Variants in PVALEF observed in about 807,000 individuals in gnomAD.
PVALEF encodes parvalbumin-like EF-hand-containing protein.
Under a neutral mutation model 1.2 loss-of-function variants are expected in PVALEF, and 2 were observed. The observed-to-expected ratio is 1.68, with a 90% CI of 0.69 to 5.28. PVALEF has a LOEUF of 5.28. Among genes scored for constraint, PVALEF ranks in the 30% most tolerant of loss-of-function variants. The pLI, the probability that PVALEF is intolerant of heterozygous loss-of-function variation, is 0.06. For synonymous variants in PVALEF, 16 were observed against 6.5 expected (o/e 2.47, Z -2.24); for missense variants, 35 against 17.7 (o/e 1.97, Z -1.75).
intron 2 of PVALEF, among the ~76,000 whole-genome samples, chr17:81,171,172 G>A (rs963193062): frequency 3.9e-5 from 6 of 152,336 alleles, no homozygotes; most frequent in Middle Eastern, 3.4e-3. Flanking sequence ...CCAGGCCGGC[G>A]TAGCCCATAG....
chr17:81,175,947 A>G (rs1043393164), intron 2 of PVALEF, among the ~76,000 whole-genome samples: 7 of 152,354 alleles, frequency 4.6e-5, no homozygotes, highest in African/African-American at 1.7e-4. Context: ...ATAACTAAAA[A>G]AATTTGTGGG....
chr17:81,170,277 GTC>G, intron 2 of PVALEF, among the ~76,000 whole-genome samples: 1 of 151,778 alleles, frequency 6.6e-6, no homozygotes, highest in Non-Finnish European at 1.5e-5. Context: ...CCATAGGTGT[GTC>G]TGTGTGTGTT....
intron 2 of PVALEF, among the ~76,000 whole-genome samples, chr17:81,170,102 G>A (rs1428074574): frequency 6.6e-6 from 1 of 150,664 alleles, no homozygotes; most frequent in Non-Finnish European, 1.5e-5. Context: ...GTGTTGGTTT[G>A]TGTGTCTGCA....
At chr17:81,176,887 C>T (rs1172427295) in intron 2 of PVALEF, among the ~76,000 whole-genome samples, 4 of 151,012 alleles carry the variant, frequency 2.6e-5, no homozygotes, top group African/African-American at 9.7e-5. Context: ...CAAGTGAATA[C>T]TCAAAATGTG....
intron 2 of PVALEF, among the ~76,000 whole-genome samples, chr17:81,172,270 C>T (rs2061523183): frequency 6.6e-6 from 1 of 152,168 alleles, no homozygotes; most frequent in Non-Finnish European, 1.5e-5. Flanking sequence ...CCCGGGACAA[C>T]CCCACACAGT....
intron 2 of PVALEF, among the ~76,000 whole-genome samples, chr17:81,169,812 ATGTGTGTCTG>A (rs978015079): frequency 1.3e-5 from 2 of 149,572 alleles, no homozygotes; most frequent in Admixed American, 6.6e-5. Context: ...TGGTATGTAT[ATGTGTGTCTG>A]TGTGTGTCTG....
At chr17:81,177,479 C>A (rs915572458) in intron 2 of PVALEF, among the ~76,000 whole-genome samples, 1 of 149,166 alleles carries the variant, frequency 6.7e-6, no homozygotes, top group Non-Finnish European at 1.5e-5. Context: ...ACCCGGGAGG[C>A]GGAGGTTGCA....
chr17:81,178,243 G>A (rs1465207774), intron 2 of PVALEF, among the ~76,000 whole-genome samples: 1 of 152,140 alleles, frequency 6.6e-6, no homozygotes, highest in East Asian at 1.9e-4. Flanking sequence ...AGGCTACCAC[G>A]GCCTATGTAA....
chr17:81,178,914 C>T lies in PVALEF; in HGVS notation c.-339-4C>T, dbSNP rs1202468801. The T allele has an allele frequency of 4.5e-6, 1 of 221,598 alleles. No individual in the cohort carries two copies. Among genetic ancestry groups the T allele is most frequent in the African/African-American group, 2.4e-5 (1 of 42,530 alleles). The allele number at this position is 221,598 out of a possible 1,614,324, so 13.7% of individuals were successfully genotyped here. A position where few individuals can be genotyped will look rare whatever the true frequency, so the allele number is the denominator to read the frequency against. On this transcript the variant is annotated splice_region_variant and splice_polypyrimidine_tract_variant and intron_variant, in intron 2 of 6. Transcript: ENST00000637878. ...CCCTCTCTTCCTCCCTAACCCCGCC[C>T]CAGGTTTGGGGAGGCCAGGCACTGC...
Position 81,178,938 on chromosome 17 carries a change from G to T in PVALEF, c.-319G>T. 1 of 268,498 alleles carries T rather than the reference G, an allele frequency of 3.7e-6. No individual in the cohort carries two copies. Among genetic ancestry groups the T allele is most frequent in the African/African-American group, 2.3e-5 (1 of 44,004 alleles). 16.6% of individuals were successfully genotyped at this position (268,498 alleles called of 1,614,324 possible). ...CCCAGGTTTGGGGAGGCCAGGCACT[G>T]CTAAGGGTCAGTCTGCCCAGACCAG... On this transcript the variant is annotated 5_prime_UTR_variant, in exon 3 of 7. Coordinates refer to ENST00000637878, the MANE Select transcript of PVALEF (RefSeq NM_001354639.2).
At chr17:81,180,794 C>T (rs1017767360) in intron 3 of PVALEF, among the ~76,000 whole-genome samples, 1 of 152,248 alleles carries the variant, frequency 6.6e-6, no homozygotes, top group Middle Eastern at 3.4e-3. Context: ...GAACACAGGC[C>T]GCCCCTCCTG....
rs188142636 is a variant in PVALEF at position 81,180,184 on chromosome 17, C to T, written c.-104-939C>T. ...GAGCAGTGGGATTGGGGGTGGTGAA[C>T]GAGCCCAGCCCAGGGGCACCCCCAG... On this transcript the variant is annotated intron_variant, in intron 3 of 6. Transcript: ENST00000637878. Among the ~76,000 whole-genome samples the T allele has an allele frequency of 2.5e-3, 383 of 152,272 alleles. 5 individuals carry two copies. Among genetic ancestry groups the T allele is most frequent in the Admixed American group, 0.02 (307 of 15,306 alleles).
At chr17:81,165,960 G>A in intron 1 of PVALEF, 1 of 1,585,816 alleles carries the variant, frequency 6.3e-7, no homozygotes, top group Non-Finnish European at 8.6e-7. Flanking sequence ...GCGAGCTGAA[G>A]GCGAAGCTGG....
In PVALEF at chr17:81,181,660, G is replaced by C. The variant is rs2061554625; in HGVS notation, c.208G>C (p.Asp70His). 1 of 408,096 alleles carries C rather than the reference G, an allele frequency of 2.5e-6. No homozygotes were observed. The highest frequency in any genetic ancestry group is 2.0e-5 in the African/African-American group (1 of 48,946). The allele number at this position is 408,096 out of a possible 1,614,324, so 25.3% of individuals were successfully genotyped here. Residue 70 changes from aspartate (D) to histidine (H), a missense_variant, in exon 5 of 7, where the codon GAC becomes CAC. By Grantham distance (81) the Asp-to-His change is moderately conservative. Transcript: ENST00000637878. The part of the protein sequence containing the change: ...IHTAFQSLDK[D>H]KSGFIEWNEI... ...CACGGCCTTCCAGTCCCTGGACAAG[G>C]ACAAGAGTGGCTTCATTGAGTGGAA...
intron 2 of PVALEF, among the ~76,000 whole-genome samples, chr17:81,178,651 C>T (rs948689428): frequency 3.3e-5 from 5 of 152,242 alleles, no homozygotes; most frequent in African/African-American, 1.2e-4. Context: ...ACATGTCTGG[C>T]CCTGCAACCT....
intron 6 of PVALEF, among the ~76,000 whole-genome samples, chr17:81,182,495 C>T (rs758726980): frequency 1.3e-5 from 2 of 152,214 alleles, no homozygotes; most frequent in Non-Finnish European, 2.9e-5. Context: ...CAGCCACCGG[C>T]CGTTCTCATC....
In PVALEF at chr17:81,165,663, C is replaced by G; in HGVS notation, c.-592C>G. 3 of 1,501,334 alleles carry G rather than the reference C, an allele frequency of 2.0e-6. No homozygotes were observed. Among genetic ancestry groups the G allele is most frequent in the Non-Finnish European group, 2.7e-6 (3 of 1,124,810 alleles). 93.0% of individuals were successfully genotyped at this position (1,501,334 alleles called of 1,614,324 possible). A position where few individuals can be genotyped will look rare whatever the true frequency, so the allele number is the denominator to read the frequency against. ...CCTGGACACCAGGGGCCCACGCAGGCCCTCCGTGCCCCAGTTACCTGTGCC... is the reference window on the plus strand; with the variant it reads ...CCTGGACACCAGGGGCCCACGCAGGGCCTCCGTGCCCCAGTTACCTGTGCC... On this transcript the variant is annotated 5_prime_UTR_variant, in exon 1 of 7. Transcript: ENST00000637878.
Position 81,166,791 on chromosome 17 carries a change from A to G in PVALEF, c.-393A>G, listed in dbSNP as rs373467457. 2.2e-6 allele frequency: 1 copy of G among 455,948 alleles called. No individual in the cohort carries two copies. Among genetic ancestry groups the G allele is most frequent in the Non-Finnish European group, 4.4e-6 (1 of 226,392 alleles). The allele number at this position is 455,948 out of a possible 1,614,324, so 28.2% of individuals were successfully genotyped here. Reference sequence around the variant, plus strand: ...AGGCCTGCTCCTGTACCGTGCTGCGACAGCCATGAAGGAAGAACCTGGCTG... The same window carrying G: ...AGGCCTGCTCCTGTACCGTGCTGCGGCAGCCATGAAGGAAGAACCTGGCTG... On this transcript the variant is annotated 5_prime_UTR_variant, in exon 2 of 7. Transcript: ENST00000637878.
chr17:81,182,459 G>C (rs2061558087), intron 6 of PVALEF, among the ~76,000 whole-genome samples: 1 of 152,218 alleles, frequency 6.6e-6, no homozygotes, highest in Admixed American at 6.5e-5. Context: ...ACACAAGGTG[G>C]GCTGGGCCTC....
Sources: allele counts gnomAD v4.1 joint callset (sites outside exome capture counted in the v4.1 genomes callset), GRCh38; gene constraint gnomAD v4.1.1; transcripts MANE v1.5; gene names NCBI Gene and HGNC (gene_info 2026-07-23, HGNC 2026-07-21).